The following TRPM3 variants were observed in gnomAD, a reference collection of about 807,000 sequenced individuals.
TRPM3 encodes transient receptor potential cation channel subfamily M member 3, also known as long transient receptor potential channel 3.
In TRPM3, 77 loss-of-function variants were observed where a neutral mutation model predicts 181.2. The ratio of observed to expected loss-of-function variants is 0.42; its 90% CI spans 0.35 to 0.51. TRPM3 has a LOEUF of 0.51. Among genes scored for constraint, TRPM3 ranks in the 20% least tolerant of loss-of-function variants. The pLI is 0.01. For missense variants in TRPM3, 1,759 were observed against 2,196.7 expected (o/e 0.80, Z 3.98); for synonymous variants, 745 against 796.4 (o/e 0.94, Z 1.09).
chr9:70,582,185 T>TGC (rs1554762572), intron 22 of TRPM3, among the ~76,000 whole-genome samples: 7 of 130,396 alleles, frequency 5.4e-5, no homozygotes, highest in African/African-American at 8.7e-5. Flanking sequence ...CCTGTGCGTG[T>TGC]GTGTGTGTGT....
chr9:70,913,832 A>C (rs1209454814), intron 1 of TRPM3, among the ~76,000 whole-genome samples: 1 of 152,198 alleles, frequency 6.6e-6, no homozygotes, highest in Admixed American at 6.5e-5. Flanking sequence ...GAAAACATAA[A>C]AATTGCTAAG....
At chr9:70,943,159 C>A (rs2096901765) in intron 1 of TRPM3, among the ~76,000 whole-genome samples, 1 of 152,110 alleles carries the variant, frequency 6.6e-6, no homozygotes, top group African/African-American at 2.4e-5. Flanking sequence ...GGGTTATGGG[C>A]TTAATGGATT....
At chr9:70,686,366 T>C (rs1010284827) in intron 8 of TRPM3, among the ~76,000 whole-genome samples, 2 of 152,240 alleles carry the variant, frequency 1.3e-5, no homozygotes, top group Non-Finnish European at 2.9e-5. Flanking sequence ...TGAATATCTG[T>C]ATATGCACAT....
intron 1 of TRPM3, among the ~76,000 whole-genome samples, chr9:70,936,706 AC>A (rs2096831839): frequency 6.6e-6 from 1 of 152,138 alleles, no homozygotes; most frequent in Non-Finnish European, 1.5e-5. Context: ...AGTTCTCTTC[AC>A]CCAGTAAATA....
chr9:70,552,831 G>A lies in TRPM3; in HGVS notation c.3574+13C>T, dbSNP rs751109616. On this transcript the variant is annotated intron_variant, in intron 24 of 25. Transcript: ENST00000677713. ...TCTGATTTGTGGCAGCTCGGCTGTC[G>A]CTTGAAGCTTACTCAGGCCGTAGTC... 6 of 1,613,128 alleles carry A rather than the reference G, an allele frequency of 3.7e-6. No individual in the cohort carries two copies. Among genetic ancestry groups the A allele is most frequent in the African/African-American group, 1.3e-5 (1 of 74,900 alleles).
Position 71,200,150 on chromosome 9 carries a change from G to C in TRPM3, c.183+246503C>G, listed in dbSNP as rs866321656. On this transcript the variant is annotated intron_variant, in intron 1 of 24. Transcript: ENST00000357533. Reference sequence around the variant, plus strand: ...TATGTACCCAGTAGTCATTCAGGAGGAGGTTGTTCAGTTTCCATGTAGTTG... The same window carrying C: ...TATGTACCCAGTAGTCATTCAGGAGCAGGTTGTTCAGTTTCCATGTAGTTG... Among the ~76,000 whole-genome samples, 364 of 151,834 alleles carry C rather than the reference G, an allele frequency of 2.4e-3. 2 individuals are homozygous for C. The highest frequency in any genetic ancestry group is 0.014 in the Middle Eastern group (4 of 290).
chr9:71,020,129 T>C (rs1270065326), intron 1 of TRPM3, among the ~76,000 whole-genome samples: 2 of 151,620 alleles, frequency 1.3e-5, no homozygotes, highest in African/African-American at 2.4e-5. Flanking sequence ...GAGTAAGATA[T>C]GTTTTAAATG....
At chr9:71,317,470 G>A (rs1036715495) in intron 1 of TRPM3, among the ~76,000 whole-genome samples, 8 of 151,884 alleles carry the variant, frequency 5.3e-5, no homozygotes, top group Admixed American at 1.3e-4. Context: ...GTGGAACCCC[G>A]TCTCTATAAG....
intron 6 of TRPM3, among the ~76,000 whole-genome samples, chr9:70,807,234 T>C (rs924036164): frequency 1.3e-5 from 2 of 152,186 alleles, no homozygotes; most frequent in East Asian, 1.9e-4. Flanking sequence ...TCTTTTTCCA[T>C]GGAAATGGAA....
chr9:70,760,966 A>G (rs144684309), intron 8 of TRPM3: 81 of 158,200 alleles, frequency 5.1e-4, no homozygotes, highest in African/African-American at 1.9e-3. Flanking sequence ...ATGAGTTTAT[A>G]TGCATAAAGA....
At chr9:70,606,651 GTATATATA>G (rs1554775917) in intron 19 of TRPM3, among the ~76,000 whole-genome samples, 1 of 140,682 alleles carries the variant, frequency 7.1e-6, no homozygotes, top group Middle Eastern at 3.4e-3. Context: ...GTGTGTGTGT[GTATATATA>G]TATATATATG....
At chr9:70,811,251 A>G in intron 6 of TRPM3, 2 of 1,602,274 alleles carry the variant, frequency 1.2e-6, no homozygotes, top group Non-Finnish European at 1.7e-6. Flanking sequence ...CATCCTGTCA[A>G]AAAATAAAAT....
chr9:71,420,100 A>T (rs2093703017), intron 1 of TRPM3, among the ~76,000 whole-genome samples: 1 of 151,970 alleles, frequency 6.6e-6, no homozygotes, highest in African/African-American at 2.4e-5. Context: ...TCCCATTTTA[A>T]ACCTTCTTAA....
intron 19 of TRPM3, among the ~76,000 whole-genome samples, chr9:70,606,437 T>C (rs1938879090): frequency 6.6e-6 from 1 of 152,178 alleles, no homozygotes; most frequent in African/African-American, 2.4e-5. Context: ...TATTCTATAA[T>C]GAACTTTTCC....
intron 1 of TRPM3, among the ~76,000 whole-genome samples, chr9:71,240,992 T>C (rs1265421357): frequency 6.6e-6 from 1 of 152,232 alleles, no homozygotes; most frequent in Non-Finnish European, 1.5e-5. Context: ...ACGAACATTA[T>C]GTTCCTTTAA....
chr9:71,416,725 A>G (rs2093642275), intron 1 of TRPM3, among the ~76,000 whole-genome samples: 2 of 151,978 alleles, frequency 1.3e-5, no homozygotes, highest in South Asian at 2.1e-4. Context: ...ATTTACATAC[A>G]GTAAGATGTG....
chr9:71,147,750 A>G (rs1304997496), intron 1 of TRPM3, among the ~76,000 whole-genome samples: 1 of 152,162 alleles, frequency 6.6e-6, no homozygotes, highest in African/African-American at 2.4e-5. Flanking sequence ...CTGCTGATTC[A>G]AGTTCTCAGA....
intron 6 of TRPM3, among the ~76,000 whole-genome samples, chr9:70,813,832 G>A (rs1404497334): frequency 2.6e-5 from 4 of 152,170 alleles, no homozygotes; most frequent in African/African-American, 7.2e-5. Context: ...GTAAATGGGA[G>A]TAATAAAGGT....
chr9:71,327,864 G>A (rs1339452618), intron 1 of TRPM3, among the ~76,000 whole-genome samples: 2 of 152,102 alleles, frequency 1.3e-5, no homozygotes, highest in South Asian at 2.1e-4. Flanking sequence ...GGATGTAAGA[G>A]GAATAGTTTC....
Sources: allele counts gnomAD v4.1 joint callset (sites outside exome capture counted in the v4.1 genomes callset), GRCh38; gene constraint gnomAD v4.1.1; transcripts MANE v1.5; gene names NCBI Gene and HGNC (gene_info 2026-07-23, HGNC 2026-07-21).